The following ROBO1 variants were observed in gnomAD, a reference collection of about 807,000 sequenced individuals.
ROBO1 encodes the protein roundabout guidance receptor 1.
Under a neutral mutation model 195.9 loss-of-function variants are expected in ROBO1, and 149 were observed. That is an observed-to-expected ratio of 0.76 (90% CI 0.67 to 0.87). The LOEUF (loss-of-function observed/expected upper bound fraction) is 0.87. Among genes scored for constraint, ROBO1 ranks in the 40% least tolerant of loss-of-function variants. The probability of loss-of-function intolerance (pLI) is 0.00; values close to 1 mark genes in which losing one functional copy is unlikely to be tolerated. For missense variants in ROBO1, 1,933 were observed against 2,068.3 expected (o/e 0.93, Z 1.27); for synonymous variants, 816 against 733.2 (o/e 1.11, Z -1.82).
chr3:78,750,335 TGCAGCTACTCAG>T (rs996869118), intron 4 of ROBO1, among the ~76,000 whole-genome samples: 1 of 151,370 alleles, frequency 6.6e-6, no homozygotes, highest in Admixed American at 6.6e-5. Flanking sequence ...CACCTGTAGT[TGCAGCTACTCAG>T]GAGGCTGAGG....
intron 4 of ROBO1, among the ~76,000 whole-genome samples, chr3:78,758,509 G>C (rs9822208): frequency 0.032 from 3,937 of 122,102 alleles, 188 homozygotes; most frequent in African/African-American, 0.12. Context: ...CTGGGTGACA[G>C]AGTGAGACCC....
intron 22 of ROBO1, among the ~76,000 whole-genome samples, chr3:78,639,504 G>A (rs988490116): frequency 6.6e-6 from 1 of 152,110 alleles, no homozygotes; most frequent in African/African-American, 2.4e-5. Flanking sequence ...ACTTGCTATT[G>A]ATTGTAGAAT....
chr3:78,999,976 T>C (rs2077460376), intron 3 of ROBO1, among the ~76,000 whole-genome samples: 1 of 152,182 alleles, frequency 6.6e-6, no homozygotes, highest in African/African-American at 2.4e-5. Context: ...TATTACCATG[T>C]GGGTGTGTGT....
chr3:78,883,501 C>A (rs2036309685), intron 4 of ROBO1, among the ~76,000 whole-genome samples: 1 of 152,048 alleles, frequency 6.6e-6, no homozygotes, highest in African/African-American at 2.4e-5. Context: ...CCCACCTCAG[C>A]CTCCTGAGTA....
intron 1 of ROBO1, among the ~76,000 whole-genome samples, chr3:79,615,287 C>T (rs375364900): frequency 6.6e-6 from 1 of 152,148 alleles, no homozygotes; most frequent in Admixed American, 6.5e-5. Context: ...ATAAACTCAA[C>T]TAATTACCAA....
intron 3 of ROBO1, among the ~76,000 whole-genome samples, chr3:79,084,097 A>G (rs971691639): frequency 1.1e-4 from 16 of 152,220 alleles, no homozygotes; most frequent in Non-Finnish European, 1.9e-4. Context: ...ATTGCCTGCA[A>G]GCATAGTTTA....
chr3:79,395,334 A>AG (rs2037113651), intron 2 of ROBO1, among the ~76,000 whole-genome samples: 2 of 148,762 alleles, frequency 1.3e-5, no homozygotes, highest in African/African-American at 4.9e-5. Flanking sequence ...AAAAAAAAAA[A>AG]AAAAAAAAAG....
chr3:78,821,649 A>T (rs1294733469), intron 4 of ROBO1, among the ~76,000 whole-genome samples: 1 of 152,218 alleles, frequency 6.6e-6, no homozygotes, highest in Non-Finnish European at 1.5e-5. Context: ...GATTGATAAT[A>T]ATAACATGCC....
chr3:78,789,377 T>C (rs941615633), intron 4 of ROBO1, among the ~76,000 whole-genome samples: 12 of 152,174 alleles, frequency 7.9e-5, no homozygotes, highest in Non-Finnish European at 1.5e-4. Flanking sequence ...GTATGAACAA[T>C]TTTTTAACGA....
intron 4 of ROBO1, among the ~76,000 whole-genome samples, chr3:78,924,073 A>G (rs1033945146): frequency 6.6e-6 from 1 of 152,150 alleles, no homozygotes; most frequent in African/African-American, 2.4e-5. Context: ...ACATACATGT[A>G]TAAGTATGTA....
chr3:79,270,804 A>G (rs1486336738), intron 2 of ROBO1, among the ~76,000 whole-genome samples: 4 of 151,948 alleles, frequency 2.6e-5, no homozygotes, highest in Non-Finnish European at 4.4e-5. Flanking sequence ...CCTGGCCACA[A>G]TGTTTCAAGA....
chr3:79,056,236 C>A (rs2078805608), intron 3 of ROBO1, among the ~76,000 whole-genome samples: 1 of 152,064 alleles, frequency 6.6e-6, no homozygotes, highest in South Asian at 2.1e-4. Flanking sequence ...GAAAGTACTT[C>A]CTTAGGGAAT....
chr3:79,636,250 T>A (rs530726083), intron 1 of ROBO1, among the ~76,000 whole-genome samples: 1 of 152,276 alleles, frequency 6.6e-6, no homozygotes, highest in African/African-American at 2.4e-5. Context: ...GCTGTCAAAT[T>A]CATTGTCTTG....
intron 14 of ROBO1, among the ~76,000 whole-genome samples, chr3:78,665,970 C>G (rs1707709704): frequency 6.6e-6 from 1 of 151,812 alleles, no homozygotes; most frequent in Non-Finnish European, 1.5e-5. Flanking sequence ...TCTCCTAATC[C>G]CCATGTGTCA....
chr3:79,069,604 A>C (rs2079054825), intron 3 of ROBO1, among the ~76,000 whole-genome samples: 2 of 151,880 alleles, frequency 1.3e-5, no homozygotes, highest in Admixed American at 1.3e-4. Flanking sequence ...CTACCACTTA[A>C]ATTTCATCTA....
chr3:78,738,465 A>G (rs2082445465), intron 5 of ROBO1, among the ~76,000 whole-genome samples: 1 of 152,178 alleles, frequency 6.6e-6, no homozygotes, highest in Non-Finnish European at 1.5e-5. Flanking sequence ...TGGATTTTCA[A>G]AACTTTAACT....
At chr3:79,071,932 T>G (rs144310255) in intron 3 of ROBO1, among the ~76,000 whole-genome samples, 1 of 151,846 alleles carries the variant, frequency 6.6e-6, no homozygotes, top group East Asian at 1.9e-4. Context: ...CTAAAAAATG[T>G]TCTGTATTTT....
At chr3:79,511,007 A>AT (rs533254006) in intron 2 of ROBO1, among the ~76,000 whole-genome samples, 207 of 152,246 alleles carry the variant, frequency 1.4e-3, no homozygotes, top group African/African-American at 4.8e-3. Context: ...AAATCTGCAC[A>AT]TTTTTTTAAT....
chr3:78,810,205 C>CTAAT (rs1173597689), intron 4 of ROBO1, among the ~76,000 whole-genome samples: 1 of 152,130 alleles, frequency 6.6e-6, no homozygotes, highest in Non-Finnish European at 1.5e-5. Flanking sequence ...ATGTGAAACT[C>CTAAT]TAATAAAACA....
Sources: allele counts gnomAD v4.1 joint callset (sites outside exome capture counted in the v4.1 genomes callset), GRCh38; gene constraint gnomAD v4.1.1; transcripts MANE v1.5; gene names NCBI Gene and HGNC (gene_info 2026-07-23, HGNC 2026-07-21).